Variants in TBC1D5 observed in about 807,000 individuals in gnomAD.
TBC1D5 encodes TBC1 domain family member 5.
TBC1D5 carries 75 observed loss-of-function variants against 100.3 expected under a neutral mutation model. That is an observed-to-expected ratio of 0.75 (90% CI 0.62 to 0.91). The LOEUF (loss-of-function observed/expected upper bound fraction) is 0.91. TBC1D5 is among the 40% of genes least tolerant of loss of function. The probability of loss-of-function intolerance (pLI) is 0.00; values close to 1 mark genes in which losing one functional copy is unlikely to be tolerated. For synonymous variants in TBC1D5, 323 were observed against 325.6 expected, an observed-to-expected ratio of 0.99 and a Z score of 0.09; for missense variants, 910 against 942.4, an observed-to-expected ratio of 0.97 and a Z score of 0.45.
rs1295676614 is a variant in TBC1D5 at position 17,531,760 on chromosome 3, G to T, written c.-35-23155C>A. On this transcript the variant is annotated intron_variant, in intron 2 of 21. Transcript: ENST00000253692. ...AAGGATTCCCTATTTAATAAATGGT[G>T]CTGGGAAAACTGGCTAGCCGTATGT... 2.6e-5 allele frequency among the ~76,000 whole-genome samples: 4 copies of T among 152,284 alleles called. No individual in the cohort carries two copies. In the East Asian group the frequency reaches 5.8e-4, roughly 22 times the overall value.
intron 1 of TBC1D5, among the ~76,000 whole-genome samples, chr3:17,704,255 C>A (rs1321875967): frequency 7.1e-6 from 1 of 141,842 alleles, no homozygotes; most frequent in African/African-American, 2.6e-5. Flanking sequence ...CACAGATCAA[C>A]AGGATCCCAA....
intron 8 of TBC1D5, 90 bp downstream of exon 8, chr3:17,403,086 ATTAAG>A (rs1391623044): frequency 2.0e-5 from 22 of 1,079,034 alleles, no homozygotes; most frequent in Non-Finnish European, 2.6e-5. Flanking sequence ...ACTGCATTCA[ATTAAG>A]TTGACTGCAG....
At chr3:17,461,856 C>T (rs1414002346) in intron 3 of TBC1D5, among the ~76,000 whole-genome samples, 1 of 152,132 alleles carries the variant, frequency 6.6e-6, no homozygotes, top group Non-Finnish European at 1.5e-5. Flanking sequence ...TCCTCCCTAT[C>T]TATGCTTTAA....
intron 2 of TBC1D5, among the ~76,000 whole-genome samples, chr3:17,600,827 C>G (rs9844794): frequency 0.068 from 10,182 of 150,796 alleles, 689 homozygotes; most frequent in African/African-American, 0.18. Flanking sequence ...AAAGACCGGG[C>G]GGGGGAAAAA....
At chr3:17,726,651 C>T (rs2076154308) in intron 1 of TBC1D5, among the ~76,000 whole-genome samples, 1 of 152,188 alleles carries the variant, frequency 6.6e-6, no homozygotes, top group African/African-American at 2.4e-5. Flanking sequence ...TATTTCCCCC[C>T]ATTCTGTAGG....
At chr3:17,380,571 C>A (rs2092907606) in intron 9 of TBC1D5, among the ~76,000 whole-genome samples, 1 of 152,050 alleles carries the variant, frequency 6.6e-6, no homozygotes. Context: ...GTATATTTTG[C>A]TTCCACCTAT....
At chr3:17,292,350 A>C (rs1012595837) in intron 14 of TBC1D5, among the ~76,000 whole-genome samples, 1 of 152,250 alleles carries the variant, frequency 6.6e-6, no homozygotes, top group African/African-American at 2.4e-5. Context: ...CTTAGAAATT[A>C]GTAATAAAAG....
intron 1 of TBC1D5, among the ~76,000 whole-genome samples, chr3:17,657,021 T>C (rs2066135591): frequency 6.6e-6 from 1 of 151,940 alleles, no homozygotes; most frequent in African/African-American, 2.4e-5. Context: ...GACTAAAAAC[T>C]GGAGATTGAT....
chr3:17,374,837 G>C (rs2092636661), intron 10 of TBC1D5, among the ~76,000 whole-genome samples, 158 bp from the exon 11 acceptor site: 1 of 152,096 alleles, frequency 6.6e-6, no homozygotes, highest in Admixed American at 6.6e-5. Flanking sequence ...CAAATGATAT[G>C]CTTTCTTTCT....
chr3:17,598,810 C>T (rs1450031679), intron 2 of TBC1D5, among the ~76,000 whole-genome samples: 2 of 152,184 alleles, frequency 1.3e-5, no homozygotes, highest in Non-Finnish European at 2.9e-5. Context: ...CTGCTTTTGG[C>T]TTATCACTTT....
At chr3:17,707,176 T>C (rs1178618025) in intron 1 of TBC1D5, among the ~76,000 whole-genome samples, 1 of 151,618 alleles carries the variant, frequency 6.6e-6, no homozygotes, top group Non-Finnish European at 1.5e-5. Context: ...TACACTATAT[T>C]TGAGATACTT....
chr3:17,651,518 G>A (rs542713387), intron 1 of TBC1D5, among the ~76,000 whole-genome samples: 1 of 152,100 alleles, frequency 6.6e-6, no homozygotes, highest in Non-Finnish European at 1.5e-5. Flanking sequence ...AGACCAGTCT[G>A]GCCAACATGG....
At chr3:17,344,452 G>A (rs1458606425) in intron 13 of TBC1D5, among the ~76,000 whole-genome samples, 1 of 151,444 alleles carries the variant, frequency 6.6e-6, no homozygotes, top group Non-Finnish European at 1.5e-5. Flanking sequence ...CCATGCTCAT[G>A]GGTAGGAAGA....
intron 15 of TBC1D5, among the ~76,000 whole-genome samples, chr3:17,282,503 G>A (rs1399903510): frequency 1.3e-5 from 2 of 152,094 alleles, no homozygotes; most frequent in African/African-American, 4.8e-5. Context: ...GTTAACCCAT[G>A]GATTTTAGTC....
chr3:17,285,374 C>T (rs1001249217), intron 15 of TBC1D5, among the ~76,000 whole-genome samples: 2 of 150,210 alleles, frequency 1.3e-5, no homozygotes, highest in African/African-American at 4.9e-5. Context: ...CATTCTCCTG[C>T]CTCAGCCTCC....
chr3:17,273,069 A>G (rs1471601355), intron 15 of TBC1D5, among the ~76,000 whole-genome samples: 2 of 152,028 alleles, frequency 1.3e-5, no homozygotes, highest in African/African-American at 4.8e-5. Context: ...AGAGCACTTT[A>G]ATTTCCCCTT....
At chr3:17,265,375 C>T (rs1388155836) in intron 15 of TBC1D5, among the ~76,000 whole-genome samples, 1 of 152,018 alleles carries the variant, frequency 6.6e-6, no homozygotes, top group African/African-American at 2.4e-5. Context: ...CCCCTAATAT[C>T]TTGCTACCAA....
intron 4 of TBC1D5, among the ~76,000 whole-genome samples, chr3:17,412,011 G>C (rs2093939863): frequency 6.6e-6 from 1 of 152,148 alleles, no homozygotes; most frequent in Non-Finnish European, 1.5e-5. Context: ...CTGTAACACA[G>C]AGTAAATATA....
At chr3:17,456,053 C>G (rs1053060727) in intron 3 of TBC1D5, among the ~76,000 whole-genome samples, 1 of 152,130 alleles carries the variant, frequency 6.6e-6, no homozygotes, top group Non-Finnish European at 1.5e-5. Flanking sequence ...AGGGAAAAGA[C>G]AGTCTCTTCA....
Sources: gnomAD v4.1 joint callset for allele counts (sites outside exome capture counted in the v4.1 genomes callset) on GRCh38, gnomAD v4.1.1 for gene constraint, MANE v1.5 for transcripts, NCBI Gene and HGNC (gene_info 2026-07-23, HGNC 2026-07-21) for gene names.